The following EYS variants were observed in gnomAD, a reference collection of about 807,000 sequenced individuals.
The protein encoded by EYS is protein eyes shut homolog.
Under a neutral mutation model 282.1 loss-of-function variants are expected in EYS, and 250 were observed. The observed-to-expected ratio is 0.89, with a 90% CI of 0.80 to 0.98. The LOEUF is 0.98. Ranked by LOEUF, EYS falls within the 50% of genes least tolerant of loss-of-function variation. The probability of loss-of-function intolerance (pLI) is 0.00; values close to 1 mark genes in which losing one functional copy is unlikely to be tolerated. For missense variants in EYS, 4,016 were observed against 3,709.0 expected (o/e 1.08, Z -2.15); for synonymous variants, 1,355 against 1,282.9 (o/e 1.06, Z -1.20).
intron 2 of EYS, among the ~76,000 whole-genome samples, 173 bp downstream of exon 2, chr6:65,639,605 A>G (rs1473992829): frequency 6.6e-6 from 1 of 152,206 alleles, no homozygotes; most frequent in Non-Finnish European, 1.5e-5. Context: ...TTTAAGAGGT[A>G]GGAACCATTT....
rs1395872679 is a variant in EYS at position 64,639,323 on chromosome 6, T to C, written c.3444-13078A>G. ...ACAAAATCAATTTTCAGAAACTTCA[T>C]GAACATTTATGTTTTCAAGCATGAG... On this transcript the variant is annotated intron_variant, in intron 22 of 42. Transcript: ENST00000503581. Among the ~76,000 whole-genome samples, 3 of 91,234 alleles carry C rather than the reference T, an allele frequency of 3.3e-5. 1 individual carries two copies. The highest frequency in any genetic ancestry group is 4.8e-4 in the East Asian group (2 of 4,154). The allele number at this position is 91,234 out of a possible 152,430, so 59.9% of individuals were successfully genotyped here. A position where few individuals can be genotyped will look rare whatever the true frequency, so the allele number is the denominator to read the frequency against.
chr6:64,697,016 A>G (rs1350911693), intron 22 of EYS, among the ~76,000 whole-genome samples: 7 of 152,172 alleles, frequency 4.6e-5, no homozygotes, highest in Admixed American at 1.3e-4. Context: ...TCAACAAAGC[A>G]ACTAAATAAT....
rs935878825 is a variant in EYS at position 65,156,217 on chromosome 6, G to A, written c.2024-98490C>T. ...ATAAGACTGCTTCAGAGACTCCCTT[G>A]GAATTATAGTGTATTCCAGCAACAA... is the stretch of plus-strand genomic sequence containing the variant. On this transcript the variant is annotated intron_variant, in intron 12 of 42. Coordinates refer to ENST00000503581, the MANE Select transcript of EYS (RefSeq NM_001142800.2). 2.0e-5 allele frequency among the ~76,000 whole-genome samples: 3 copies of A among 151,076 alleles called. No homozygotes were observed. The Admixed American group carries it at 2.0e-4, about 10-fold the overall frequency.
At chr6:64,896,538 A>G (rs1767473043) in intron 18 of EYS, among the ~76,000 whole-genome samples, 1 of 89,034 alleles carries the variant, frequency 1.1e-5, no homozygotes, top group South Asian at 3.4e-4. Context: ...TAGCTGCAGG[A>G]GTTGTTGTTT....
At position 64,677,685 on chromosome 6, in the gene EYS, T is replaced by C. The variant is rs533877471; in HGVS notation, c.3444-51440A>G. Among the ~76,000 whole-genome samples, 67 of 152,278 alleles carry C rather than the reference T, an allele frequency of 4.4e-4. No individual in the cohort carries two copies. In the South Asian group the frequency reaches 0.014, roughly 32 times the overall value. On this transcript the variant is annotated intron_variant, in intron 22 of 42. Coordinates refer to ENST00000503581, the MANE Select transcript of EYS (RefSeq NM_001142800.2). ...TGAAATAAAACATTTCTTCTAAAAG[T>C]TTCAGTATCCACTGAGGGTTCTGTA...
chr6:63,856,723 G>T (rs78235325), intron 36 of EYS, among the ~76,000 whole-genome samples: 1 of 152,082 alleles, frequency 6.6e-6, no homozygotes, highest in African/African-American at 2.4e-5. Context: ...GAAAAATATG[G>T]TTGTATATTT....
At chr6:64,558,396 A>G (rs1231206216) in intron 26 of EYS, among the ~76,000 whole-genome samples, 1 of 152,136 alleles carries the variant, frequency 6.6e-6, no homozygotes, top group Non-Finnish European at 1.5e-5. Context: ...GCAAAAGGTC[A>G]GTTGCTCTGC....
At chr6:65,473,015 C>G (rs1221444716) in intron 5 of EYS, among the ~76,000 whole-genome samples, 1 of 151,840 alleles carries the variant, frequency 6.6e-6, no homozygotes. Context: ...AAGTAATATA[C>G]TAGAATTAAG....
chr6:64,845,088 A>G (rs1367261537), intron 19 of EYS, among the ~76,000 whole-genome samples: 1 of 152,096 alleles, frequency 6.6e-6, no homozygotes, highest in Non-Finnish European at 1.5e-5. Context: ...CATGAGTTGG[A>G]GACCAGCCTG....
intron 12 of EYS, 46 bp downstream of exon 12, chr6:65,295,817 C>A: frequency 7.1e-7 from 1 of 1,400,266 alleles, no homozygotes; most frequent in Non-Finnish European, 9.7e-7. Flanking sequence ...ATATTAACAA[C>A]ATTATTTACT....
At chr6:64,946,756 T>C (rs1156937486) in intron 14 of EYS, among the ~76,000 whole-genome samples, 1 of 151,908 alleles carries the variant, frequency 6.6e-6, no homozygotes, top group African/African-American at 2.4e-5. Flanking sequence ...AAAATACATA[T>C]TGAATGTTGA....
chr6:65,103,713 A>G (rs78140359), intron 12 of EYS, among the ~76,000 whole-genome samples: 8,881 of 151,562 alleles, frequency 0.059, 772 homozygotes, highest in African/African-American at 0.19. Flanking sequence ...TTTTCCAGTA[A>G]GTATTTAGAT....
At chr6:64,386,709 G>A (rs1430371626) in intron 29 of EYS, among the ~76,000 whole-genome samples, 2 of 151,904 alleles carry the variant, frequency 1.3e-5, no homozygotes, top group Non-Finnish European at 2.9e-5. Flanking sequence ...AAGCCAACCT[G>A]GTCATTAAAA....
At chr6:63,809,577 C>A (rs1285151967) in intron 36 of EYS, among the ~76,000 whole-genome samples, 1 of 151,960 alleles carries the variant, frequency 6.6e-6, no homozygotes, top group Non-Finnish European at 1.5e-5. Context: ...AAGGGAGATG[C>A]TGGAATTTAA....
intron 12 of EYS, among the ~76,000 whole-genome samples, chr6:65,156,665 C>A (rs55739054): frequency 6.6e-6 from 1 of 150,992 alleles, no homozygotes; most frequent in Admixed American, 6.6e-5. Flanking sequence ...ATGAGGATGG[C>A]ATTCCACATA....
At chr6:64,289,578 T>A (rs1211764722) in intron 30 of EYS, among the ~76,000 whole-genome samples, 1 of 152,068 alleles carries the variant, frequency 6.6e-6, no homozygotes, top group Non-Finnish European at 1.5e-5. Flanking sequence ...TTATGCCTGC[T>A]TTGTGCTGGG....
chr6:64,760,989 T>G (rs1773138943), intron 22 of EYS, among the ~76,000 whole-genome samples: 1 of 152,180 alleles, frequency 6.6e-6, no homozygotes, highest in African/African-American at 2.4e-5. Flanking sequence ...TTTTGATAAC[T>G]TTTACTAAAA....
At chr6:63,724,432 A>G (rs1293175952) in intron 42 of EYS, among the ~76,000 whole-genome samples, 1 of 152,162 alleles carries the variant, frequency 6.6e-6, no homozygotes, top group Non-Finnish European at 1.5e-5. Flanking sequence ...TATTTTTAAT[A>G]TAGTTTAATT....
intron 12 of EYS, among the ~76,000 whole-genome samples, chr6:65,180,139 C>T (rs542743916): frequency 3.3e-5 from 5 of 152,080 alleles, no homozygotes; most frequent in East Asian, 1.9e-4. Context: ...CCTTTGAAAA[C>T]GGGCACAAGA....
Sources: gnomAD v4.1 joint callset for allele counts (sites outside exome capture counted in the v4.1 genomes callset) on GRCh38, gnomAD v4.1.1 for gene constraint, MANE v1.5 for transcripts, NCBI Gene and HGNC (gene_info 2026-07-23, HGNC 2026-07-21) for gene names.